The following CSMD1 variants were observed in gnomAD, a reference collection of about 807,000 sequenced individuals.
The protein encoded by CSMD1 is CUB and sushi domain-containing protein 1.
A neutral mutation model predicts 417.5 loss-of-function variants in CSMD1; 213 were observed. The observed-to-expected ratio is 0.51, with a 90% CI of 0.46 to 0.57. CSMD1 has a LOEUF of 0.57. CSMD1 is among the 20% of genes least tolerant of loss of function. CSMD1 has a pLI of 0.00. For synonymous variants in CSMD1, 2,862 were observed against 1,736.8 expected, an observed-to-expected ratio of 1.65 and a Z score of -16.11; for missense variants, 6,923 against 4,529.7, an observed-to-expected ratio of 1.53 and a Z score of -15.17.
At chr8:3,456,606 A>G (rs149143729) in intron 12 of CSMD1, among the ~76,000 whole-genome samples, 84 of 152,202 alleles carry the variant, frequency 5.5e-4, no homozygotes, top group Middle Eastern at 3.4e-3. Context: ...GTTCTCTCCT[A>G]TCCTATTTAG....
At chr8:3,944,163 G>A (rs961911433) in intron 5 of CSMD1, among the ~76,000 whole-genome samples, 1 of 151,986 alleles carries the variant, frequency 6.6e-6, no homozygotes, top group Non-Finnish European at 1.5e-5. Context: ...TTTTTTTACT[G>A]TTTATGCAAC....
chr8:3,887,288 C>T (rs144217173), intron 5 of CSMD1, among the ~76,000 whole-genome samples: 344 of 152,264 alleles, frequency 2.3e-3, no homozygotes, highest in African/African-American at 7.8e-3. Context: ...GGGAGGCCCA[C>T]GGTACATCCT....
intron 5 of CSMD1, among the ~76,000 whole-genome samples, chr8:3,889,270 C>G (rs1409388574): frequency 1.3e-5 from 2 of 151,166 alleles, no homozygotes; most frequent in Admixed American, 6.6e-5. Flanking sequence ...AAATGTTTTT[C>G]TAGAAAGCCA....
intron 54 of CSMD1, among the ~76,000 whole-genome samples, chr8:2,992,328 C>T (rs1806467933): frequency 2.0e-5 from 3 of 152,130 alleles, no homozygotes; most frequent in Admixed American, 1.3e-4. Flanking sequence ...GGGAACTAGA[C>T]AGAGGTGATG....
At chr8:4,300,044 A>T (rs1797896369) in intron 3 of CSMD1, among the ~76,000 whole-genome samples, 1 of 152,226 alleles carries the variant, frequency 6.6e-6, no homozygotes, top group African/African-American at 2.4e-5. Flanking sequence ...AAAGAGTGAG[A>T]GGAAGAACTT....
chr8:4,561,773 G>C (rs1798349668), intron 2 of CSMD1, among the ~76,000 whole-genome samples: 1 of 152,164 alleles, frequency 6.6e-6, no homozygotes, highest in African/African-American at 2.4e-5. Context: ...CTTTACCTGT[G>C]ATCTCTCATT....
intron 26 of CSMD1, among the ~76,000 whole-genome samples, chr8:3,239,014 G>C (rs1005058412): frequency 6.6e-6 from 1 of 152,160 alleles, no homozygotes; most frequent in Non-Finnish European, 1.5e-5. Flanking sequence ...TGTCTGGAAT[G>C]AGACTGGGGC....
At chr8:4,975,128 C>G (rs1475071152) in intron 1 of CSMD1, among the ~76,000 whole-genome samples, 1 of 152,092 alleles carries the variant, frequency 6.6e-6, no homozygotes, top group Non-Finnish European at 1.5e-5. Context: ...AAAAGATAAT[C>G]AATGTGACCT....
At chr8:3,256,323 A>AAAAAAGAG (rs1554487841) in intron 26 of CSMD1, among the ~76,000 whole-genome samples, 2 of 138,024 alleles carry the variant, frequency 1.4e-5, no homozygotes, top group Admixed American at 7.4e-5. Context: ...AAAAAAAAAA[A>AAAAAAGAG]AAGAGAAGAA....
At chr8:4,361,492 C>G (rs1460502415) in intron 3 of CSMD1, among the ~76,000 whole-genome samples, 3 of 152,084 alleles carry the variant, frequency 2.0e-5, no homozygotes, top group African/African-American at 4.8e-5. Flanking sequence ...TTCCACTTTA[C>G]AGATTAGAAG....
intron 2 of CSMD1, among the ~76,000 whole-genome samples, chr8:4,455,237 T>G (rs2129877227): frequency 6.6e-6 from 1 of 152,332 alleles, no homozygotes; most frequent in Admixed American, 6.5e-5. Context: ...CTAAAATATT[T>G]GTTGGCCTTT....
chr8:3,210,947 A>G (rs1412570041), intron 30 of CSMD1, among the ~76,000 whole-genome samples: 2 of 151,864 alleles, frequency 1.3e-5, no homozygotes, highest in Non-Finnish European at 2.9e-5. Context: ...ACTCTATATA[A>G]TTGCTAAAGA....
chr8:3,285,460 C>T (rs895983392), intron 25 of CSMD1, among the ~76,000 whole-genome samples: 1 of 151,102 alleles, frequency 6.6e-6, no homozygotes, highest in Non-Finnish European at 1.5e-5. Context: ...GATCTTGGCT[C>T]ACTGCAACCT....
chr8:3,240,564 G>C (rs888616416), intron 26 of CSMD1, among the ~76,000 whole-genome samples: 3 of 151,998 alleles, frequency 2.0e-5, no homozygotes, highest in Non-Finnish European at 2.9e-5. Context: ...TGAAATAATG[G>C]GGGCTGTCTG....
chr8:4,281,377 C>T (rs1229336943), intron 3 of CSMD1, among the ~76,000 whole-genome samples: 1 of 152,138 alleles, frequency 6.6e-6, no homozygotes, highest in Non-Finnish European at 1.5e-5. Flanking sequence ...TTGCATAAAC[C>T]AGTGGTTTTT....
At chr8:4,882,673 A>C (rs147132667) in intron 1 of CSMD1, among the ~76,000 whole-genome samples, 1 of 152,084 alleles carries the variant, frequency 6.6e-6, no homozygotes, top group African/African-American at 2.4e-5. Context: ...TCTTCAAATT[A>C]TTCCATTTGA....
intron 40 of CSMD1, among the ~76,000 whole-genome samples, chr8:3,146,119 G>T (rs1818828198): frequency 6.6e-6 from 1 of 152,146 alleles, no homozygotes; most frequent in African/African-American, 2.4e-5. Flanking sequence ...TATGTTTCTA[G>T]AAAGTCTGAT....
chr8:3,739,647 A>G (rs17067283), intron 6 of CSMD1, among the ~76,000 whole-genome samples: 3,255 of 152,294 alleles, frequency 0.021, 180 homozygotes, highest in East Asian at 0.17. Context: ...TACAGTTCAT[A>G]GGGAAATCTG....
chr8:4,332,397 G>A (rs1473006165), intron 3 of CSMD1, among the ~76,000 whole-genome samples: 2 of 152,074 alleles, frequency 1.3e-5, no homozygotes, highest in African/African-American at 2.4e-5. Context: ...TGCGGCAGGA[G>A]GATAGTATAA....
Sources: allele counts gnomAD v4.1 joint callset (sites outside exome capture counted in the v4.1 genomes callset), GRCh38; gene constraint gnomAD v4.1.1; transcripts MANE v1.5; gene names NCBI Gene and HGNC (gene_info 2026-07-23, HGNC 2026-07-21).